The following MYH11 variants were observed in gnomAD, a reference collection of about 807,000 sequenced individuals.
MYH11 encodes myosin heavy chain 11, also known as myosin-11.
In MYH11, 80 loss-of-function variants were observed where a neutral mutation model predicts 246.6. The observed-to-expected ratio is 0.32, with a 90% CI of 0.27 to 0.39. The LOEUF (loss-of-function observed/expected upper bound fraction) is 0.39. Ranked by LOEUF, MYH11 falls within the 10% of genes least tolerant of loss-of-function variation. The pLI, the probability that MYH11 is intolerant of heterozygous loss-of-function variation, is 1.00. For missense variants in MYH11, 2,158 were observed against 2,546.8 expected (o/e 0.85, Z 3.29); for synonymous variants, 1,071 against 1,015.5 (o/e 1.05, Z -1.04).
In MYH11 at chr16:15,782,428, A is replaced by G. The variant is rs2042378858; in HGVS notation, c.683T>C (p.Phe228Ser). The G allele has an allele frequency of 6.2e-7, 1 of 1,614,188 alleles. No homozygotes were observed. Among genetic ancestry groups the G allele is most frequent in the Admixed American group, 1.7e-5 (1 of 60,022 alleles). Reference sequence around the variant, plus strand: ...GTTCTTCACTGTTTTGGCGTTGCCGAAAGCCTCCAGAATCGGGTTTGCTTG... The same window carrying G: ...GTTCTTCACTGTTTTGGCGTTGCCGGAAGCCTCCAGAATCGGGTTTGCTTG... ...LLQANPILEA[F>S]GNAKTVKNDN... is the part of the protein sequence containing the mutation. Residue 228 changes from phenylalanine (F) to serine (S), a missense_variant, in exon 6 of 41, where the codon TTC (phenylalanine) becomes TCC (serine). Physicochemically the swap from Phe to Ser is radical, Grantham distance 155. Around this residue, in one of 11 missense-constraint regions of MYH11, gnomAD observed 123 missense variants for 207.1 expected, o/e 0.59. Coordinates refer to ENST00000300036, the MANE Select transcript of MYH11 (RefSeq NM_002474.3).
At chr16:15,795,420 T>C (rs1389500201) in intron 4 of MYH11, among the ~76,000 whole-genome samples, 1 of 152,100 alleles carries the variant, frequency 6.6e-6, no homozygotes, top group Non-Finnish European at 1.5e-5. Context: ...GAGACCAGCC[T>C]GACCAACATG....
Position 15,747,893 on chromosome 16 carries a change from T to G in MYH11, c.2231A>C (p.Lys744Thr), listed in dbSNP as rs1489349194. 2 of 1,613,688 alleles carry G rather than the reference T, an allele frequency of 1.2e-6. No homozygotes were observed. Among genetic ancestry groups the G allele is most frequent in the Non-Finnish European group, 1.7e-6 (2 of 1,179,992 alleles). ...NAIPKGFMDG[K>T]QACILMIKAL... ...GCTCACCATGAGAATGCAGGCCTGC[T>G]TCCCGTCCATGAAGCCTTTGGGGAT... The change falls in exon 18 of 41, where the codon AAG (lysine) becomes ACG (threonine). Residue 744 changes from lysine to threonine, a missense_variant. By Grantham distance (78) the Lys-to-Thr change is moderately conservative (BLOSUM62 -1). Transcript: ENST00000300036.
chr16:15,719,041 T>C (rs2040322895), intron 36 of MYH11, 179 bp downstream of exon 36: 2 of 663,650 alleles, frequency 3.0e-6, no homozygotes, highest in South Asian at 3.3e-5. Context: ...GGCAGGAGAA[T>C]TGCTTGAACC....
At chr16:15,712,569 C>T (rs1458216935) in intron 40 of MYH11, among the ~76,000 whole-genome samples, 1 of 152,142 alleles carries the variant, frequency 6.6e-6, no homozygotes, top group Non-Finnish European at 1.5e-5. Context: ...GCACTCCAGC[C>T]TGGGCAACAG....
At chr16:15,806,937 C>A (rs1298895606) in intron 3 of MYH11, among the ~76,000 whole-genome samples, 1 of 151,386 alleles carries the variant, frequency 6.6e-6, no homozygotes, top group African/African-American at 2.4e-5. Context: ...ACCGAAAGCA[C>A]AAAAGTCAAT....
chr16:15,771,193 T>G (rs2042091657), intron 9 of MYH11, among the ~76,000 whole-genome samples: 1 of 151,432 alleles, frequency 6.6e-6, no homozygotes, highest in Admixed American at 6.6e-5. Flanking sequence ...AGAGACAGGG[T>G]TTCACCAAAT....
chr16:15,805,635 G>A (rs1020503489), intron 3 of MYH11, among the ~76,000 whole-genome samples: 5 of 152,222 alleles, frequency 3.3e-5, no homozygotes, highest in Non-Finnish European at 7.3e-5. Flanking sequence ...GTTATGGCCG[G>A]CGGCCATGGC....
At chr16:15,852,816 CG>C (rs1469560565) in intron 1 of MYH11, among the ~76,000 whole-genome samples, 1 of 152,028 alleles carries the variant, frequency 6.6e-6, no homozygotes, top group Non-Finnish European at 1.5e-5. Context: ...CTAAGCCTAT[CG>C]GGGTCTTGAA....
intron 3 of MYH11, among the ~76,000 whole-genome samples, chr16:15,813,349 TA>T (rs906041658): frequency 1.3e-5 from 2 of 152,028 alleles, no homozygotes; most frequent in African/African-American, 4.8e-5. Flanking sequence ...ACCCTGTCTC[TA>T]AAAAAAGCAA....
In MYH11 at chr16:15,741,786, T is replaced by G. The variant is rs2041281062; in HGVS notation, c.2626A>C (p.Lys876Gln). 1 of 1,614,068 alleles carries G rather than the reference T, an allele frequency of 6.2e-7. No individual in the cohort carries two copies. The highest frequency in any genetic ancestry group is 8.5e-7 in the Non-Finnish European group (1 of 1,180,048). ...TGCGAGTGCTTCTGTTCCAGCTCCT[T>G]AAGCTCATTCTCTGCCTTCTGCTGC... Reference protein sequence around the residue: ...ERQQKAENELKELEQKHSQLT... With the variant: ...ERQQKAENELQELEQKHSQLT... The change falls in exon 21 of 41, where the codon AAG becomes CAG. Residue 876 changes from lysine to glutamine, a missense_variant. By Grantham distance (53) the Lys-to-Gln change is moderately conservative. This residue lies in a region of MYH11 where 90 missense variants were observed against 144.2 expected (regional missense o/e 0.62). Coordinates refer to ENST00000300036, the MANE Select transcript of MYH11 (RefSeq NM_002474.3).
intron 8 of MYH11, 110 bp downstream of exon 8, chr16:15,775,968 T>A: frequency 1.2e-6 from 1 of 834,282 alleles, no homozygotes; most frequent in East Asian, 2.4e-5. Context: ...ACAGACATGG[T>A]CCTTTCTGGC....
intron 1 of MYH11, among the ~76,000 whole-genome samples, chr16:15,842,747 G>A (rs1335514251): frequency 1.0e-5 from 1 of 97,584 alleles, no homozygotes; most frequent in Non-Finnish European, 1.8e-5. Context: ...CCAGGCAACA[G>A]AGCAAGACTT....
chr16:15,730,349 T>C (rs966692093), intron 27 of MYH11, among the ~76,000 whole-genome samples: 4 of 134,244 alleles, frequency 3.0e-5, no homozygotes, highest in African/African-American at 5.7e-5. Context: ...CTGGCCAACA[T>C]GGCAAAACCC....
chr16:15,782,498 G>A lies in MYH11; in HGVS notation c.634-21C>T, dbSNP rs760157327. 8.7e-6 allele frequency: 14 copies of A among 1,606,664 alleles called. No homozygotes were observed. The South Asian group carries it at 1.5e-4, about 18-fold the overall frequency. On this transcript the variant is annotated intron_variant, in intron 5 of 40. Coordinates refer to ENST00000300036, the MANE Select transcript of MYH11 (RefSeq NM_002474.3). ...TCTCCCTAAAATTCATTCACATCTA[G>A]TTATTGGAGAAAGCAACCTAGGTCC...
intron 37 of MYH11, 43 bp downstream of exon 37, chr16:15,718,272 G>C (rs373923058): frequency 1.9e-6 from 3 of 1,605,228 alleles, no homozygotes; most frequent in Non-Finnish European, 2.5e-6. Flanking sequence ...TGCTGCAGGA[G>C]AGACAGTAGG....
At chr16:15,727,179 G>A (rs1340535975) in intron 27 of MYH11, 125 bp from the exon 28 acceptor site, 4 of 810,868 alleles carry the variant, frequency 4.9e-6, no homozygotes, top group African/African-American at 1.7e-5. Flanking sequence ...ACAATCACCA[G>A]TAAGAGATTT....
chr16:15,798,585 T>G lies in MYH11; in HGVS notation c.530+75A>C, dbSNP rs551460119. 4 of 1,397,120 alleles carry G rather than the reference T, an allele frequency of 2.9e-6. No homozygotes were observed. In the African/African-American group the frequency reaches 5.3e-5, roughly 18 times the overall value. 86.5% of individuals were successfully genotyped at this position (1,397,120 alleles called of 1,614,324 possible). A position where few individuals can be genotyped will look rare whatever the true frequency, so the allele number is the denominator to read the frequency against. On this transcript the variant is annotated intron_variant, in intron 4 of 40. Transcript: ENST00000300036. ...CTGCACTCATGGATCTTTTCTTTCA[T>G]AGGTTGGATCTCGACTACAGATTAA... is the stretch of plus-strand genomic sequence containing the variant.
chr16:15,779,214 T>C, intron 6 of MYH11: 1 of 365,594 alleles, frequency 2.7e-6, no homozygotes, highest in Non-Finnish European at 5.3e-6. Flanking sequence ...ACTGTAACCT[T>C]GAACTCCTGG....
At chr16:15,737,314 C>T in intron 25 of MYH11, 135 bp downstream of exon 25, 1 of 1,115,778 alleles carries the variant, frequency 9.0e-7, no homozygotes, top group East Asian at 2.5e-5. Context: ...TTGTGGGAGG[C>T]CTGGCCTGGG....
Sources: allele counts gnomAD v4.1 joint callset (sites outside exome capture counted in the v4.1 genomes callset), GRCh38; gene constraint gnomAD v4.1.1; regional missense constraint gnomAD v4.1.1; transcripts MANE v1.5; gene names NCBI Gene and HGNC (gene_info 2026-07-23, HGNC 2026-07-21).